Variants in NAALADL2 observed in about 807,000 individuals in gnomAD.
NAALADL2 encodes inactive N-acetylated-alpha-linked acidic dipeptidase-like protein 2.
In NAALADL2, 76 loss-of-function variants were observed where a neutral mutation model predicts 87.2. The observed-to-expected ratio is 0.87, with a 90% CI of 0.72 to 1.05. The LOEUF (loss-of-function observed/expected upper bound fraction) is 1.05. Ranked by LOEUF, NAALADL2 falls within the 50% of genes least tolerant of loss-of-function variation. The probability of loss-of-function intolerance (pLI) is 0.00; values close to 1 mark genes in which losing one functional copy is unlikely to be tolerated. For missense variants in NAALADL2, 1,089 were observed against 945.8 expected, an observed-to-expected ratio of 1.15 and a Z score of -1.99; for synonymous variants, 354 against 331.0, an observed-to-expected ratio of 1.07 and a Z score of -0.75.
intron 1 of NAALADL2, among the ~76,000 whole-genome samples, chr3:175,076,530 A>G (rs1019799024): frequency 8.5e-5 from 13 of 152,160 alleles, no homozygotes; most frequent in African/African-American, 3.1e-4. Flanking sequence ...TTCATTGACT[A>G]TCAACAGTGG....
chr3:175,309,592 T>C (rs1367215346), intron 4 of NAALADL2, among the ~76,000 whole-genome samples: 1 of 151,856 alleles, frequency 6.6e-6, no homozygotes, highest in African/African-American at 2.4e-5. Flanking sequence ...GAAACTTTTG[T>C]TTTTCAGGAT....
intron 9 of NAALADL2, among the ~76,000 whole-genome samples, chr3:175,543,776 G>A (rs978326955): frequency 7.9e-5 from 12 of 152,218 alleles, no homozygotes; most frequent in African/African-American, 2.9e-4. Flanking sequence ...TGGGGAAACA[G>A]CCAAACCATA....
intron 2 of NAALADL2, among the ~76,000 whole-genome samples, chr3:174,590,748 C>T (rs1717273262): frequency 6.6e-6 from 1 of 152,064 alleles, no homozygotes; most frequent in Non-Finnish European, 1.5e-5. Context: ...GGCACAGTAA[C>T]AGTACTAATC....
intron 2 of NAALADL2, among the ~76,000 whole-genome samples, chr3:175,163,546 A>G (rs543797070): frequency 3.3e-4 from 50 of 152,100 alleles, no homozygotes; most frequent in African/African-American, 1.2e-3. Context: ...GAAAACCATA[A>G]TATTCTACCT....
At chr3:174,806,727 T>G (rs909062040) in intron 3 of NAALADL2, among the ~76,000 whole-genome samples, 8 of 152,184 alleles carry the variant, frequency 5.3e-5, no homozygotes, top group African/African-American at 1.9e-4. Context: ...CTTTCTCAGG[T>G]TGTTGTGTAT....
chr3:175,527,969 C>A (rs1209018236), intron 9 of NAALADL2, among the ~76,000 whole-genome samples: 1 of 152,048 alleles, frequency 6.6e-6, no homozygotes, highest in Non-Finnish European at 1.5e-5. Context: ...GATTCCGAAT[C>A]TTGTTGATTC....
chr3:174,674,114 A>G (rs912147091), intron 2 of NAALADL2, among the ~76,000 whole-genome samples: 1 of 152,000 alleles, frequency 6.6e-6, no homozygotes, highest in African/African-American at 2.4e-5. Flanking sequence ...GCTTTAACTC[A>G]TAGTGGAAGG....
At chr3:174,908,876 T>G (rs964693126) in intron 1 of NAALADL2, among the ~76,000 whole-genome samples, 2 of 152,008 alleles carry the variant, frequency 1.3e-5, no homozygotes, top group Non-Finnish European at 2.9e-5. Flanking sequence ...AGCCTCTAAT[T>G]TTAAAGAAGA....
chr3:175,188,605 CT>C (rs1418787691), intron 2 of NAALADL2, among the ~76,000 whole-genome samples: 1 of 152,074 alleles, frequency 6.6e-6, no homozygotes, highest in African/African-American at 2.4e-5. Context: ...AAAAATTCAC[CT>C]TCCTGGAACT....
chr3:175,009,860 T>A (rs1749546911), intron 1 of NAALADL2, among the ~76,000 whole-genome samples: 1 of 152,050 alleles, frequency 6.6e-6, no homozygotes, highest in African/African-American at 2.4e-5. Context: ...TATGCCGAGT[T>A]TACTTATTAG....
intron 1 of NAALADL2, among the ~76,000 whole-genome samples, chr3:175,086,004 G>C (rs1482176685): frequency 6.6e-6 from 1 of 152,176 alleles, no homozygotes; most frequent in Non-Finnish European, 1.5e-5. Context: ...AGTTGCAATA[G>C]TTGAAGGGAG....
intron 10 of NAALADL2, among the ~76,000 whole-genome samples, chr3:175,622,981 G>C (rs557763571): frequency 1.3e-5 from 2 of 152,098 alleles, no homozygotes; most frequent in East Asian, 3.9e-4. Context: ...AGAAGATGTT[G>C]TGAACAATTT....
chr3:174,955,529 G>A (rs1290788814), intron 1 of NAALADL2, among the ~76,000 whole-genome samples: 11 of 152,066 alleles, frequency 7.2e-5, no homozygotes, highest in Non-Finnish European at 1.2e-4. Flanking sequence ...TATCACAAAT[G>A]ATGATACCTC....
At chr3:174,693,422 T>C (rs1728758804) in intron 2 of NAALADL2, among the ~76,000 whole-genome samples, 1 of 152,148 alleles carries the variant, frequency 6.6e-6, no homozygotes, top group South Asian at 2.1e-4. Context: ...AAATAAATTG[T>C]TCATCTTTTG....
At chr3:175,642,926 G>A (rs1195825828) in intron 11 of NAALADL2, among the ~76,000 whole-genome samples, 1 of 152,148 alleles carries the variant, frequency 6.6e-6, no homozygotes, top group African/African-American at 2.4e-5. Context: ...TGAAGCAGGA[G>A]TGACAATATG....
chr3:174,705,524 C>G (rs369036721), intron 2 of NAALADL2, among the ~76,000 whole-genome samples: 4 of 152,166 alleles, frequency 2.6e-5, no homozygotes, highest in African/African-American at 9.7e-5. Flanking sequence ...ATGGCTCACG[C>G]CTGTAATCCC....
chr3:174,702,716 T>C (rs1729673781), intron 2 of NAALADL2, among the ~76,000 whole-genome samples: 1 of 152,166 alleles, frequency 6.6e-6, no homozygotes, highest in South Asian at 2.1e-4. Context: ...TGGTAATTGT[T>C]TGTGTATCTA....
chr3:174,642,749 C>CATAT lies in NAALADL2; in HGVS notation c.-115+92149_-115+92152dup, dbSNP rs71624288. The stretch of plus-strand genomic sequence containing the variant: ...GTAATATCAGTGCCATGAAAAAAAA[C>CATAT]ATATATATATATATATATATATATA... On this transcript the variant is annotated intron_variant, in intron 2 of 3. Coordinates refer to the NAALADL2 transcript ENST00000434257. Among the ~76,000 whole-genome samples, 838 of 129,850 alleles carry CATAT rather than the reference C, an allele frequency of 6.5e-3. 3 individuals carry two copies. Among genetic ancestry groups the CATAT allele is most frequent in the Non-Finnish European group, 8.8e-3 (532 of 60,308 alleles). 85.2% of individuals were successfully genotyped at this position (129,850 alleles called of 152,430 possible). A position where few individuals can be genotyped will look rare whatever the true frequency, so the allele number is the denominator to read the frequency against.
At chr3:174,714,068 C>T (rs1216262875) in intron 2 of NAALADL2, among the ~76,000 whole-genome samples, 1 of 152,096 alleles carries the variant, frequency 6.6e-6, no homozygotes, top group Non-Finnish European at 1.5e-5. Context: ...ATCCTTTCCC[C>T]ATTTCTTGTT....
Sources: allele counts gnomAD v4.1 joint callset (sites outside exome capture counted in the v4.1 genomes callset), GRCh38; gene constraint gnomAD v4.1.1; transcripts MANE v1.5; gene names NCBI Gene and HGNC (gene_info 2026-07-23, HGNC 2026-07-21).